The following GIPC2 variants were observed in gnomAD, a reference collection of about 807,000 sequenced individuals.
The protein encoded by GIPC2 is PDZ domain-containing protein GIPC2.
In GIPC2, 30 loss-of-function variants were observed where a neutral mutation model predicts 30.6. The observed-to-expected ratio is 0.98, with a 90% CI of 0.73 to 1.33. GIPC2 has a LOEUF of 1.33. Ranked by LOEUF, GIPC2 falls within the 40% of genes most tolerant of loss-of-function variation. GIPC2 has a pLI of 0.00. For missense variants in GIPC2, 414 were observed against 390.3 expected (o/e 1.06, Z -0.51); for synonymous variants, 167 against 150.0 (o/e 1.11, Z -0.83).
chr1:78,045,526 C>T (rs528533015), upstream of GIPC2: 469 of 983,780 alleles, frequency 4.8e-4, 7 homozygotes, highest in South Asian at 0.02. Flanking sequence ...GCCAAGGACC[C>T]GGCTGAGGGG....
chr1:78,129,715 G>T (rs535909182), intron 5 of GIPC2, among the ~76,000 whole-genome samples: 1 of 152,166 alleles, frequency 6.6e-6, no homozygotes, highest in African/African-American at 2.4e-5. Flanking sequence ...TCTAAAAGAT[G>T]CTGAGTCCTA....
Position 78,046,255 on chromosome 1 carries a change from C to T in GIPC2, c.161C>T (p.Thr54Met), listed in dbSNP as rs1398641644. The T allele has an allele frequency of 2.5e-6, 4 of 1,610,792 alleles. No homozygotes were observed. The East Asian group carries it at 9.0e-5, about 36-fold the overall frequency. Residue 54 changes from threonine (T) to methionine (M), a missense_variant, in exon 1 of 6, where the codon ACG becomes ATG. Physicochemically the swap from Thr to Met is moderately conservative, Grantham distance 81. Coordinates refer to ENST00000370759, the MANE Select transcript of GIPC2 (RefSeq NM_017655.6). The stretch of plus-strand genomic sequence containing the variant: ...GCGCAGCTGGCGCACGGTAGTGCCA[C>T]GGGCCGAGTGGAGGGCTTCTCCAGC... ...FHAQLAHGSA[T>M]GRVEGFSSIQ...
intron 4 of GIPC2, among the ~76,000 whole-genome samples, chr1:78,119,973 C>T (rs1440117912): frequency 1.3e-5 from 2 of 152,164 alleles, no homozygotes; most frequent in East Asian, 3.9e-4. Flanking sequence ...GACTTCTTAC[C>T]ACCCCTGCCC....
chr1:78,076,089 C>A (rs1247553280), intron 1 of GIPC2, among the ~76,000 whole-genome samples: 1 of 152,168 alleles, frequency 6.6e-6, no homozygotes, highest in Non-Finnish European at 1.5e-5. Context: ...GGATTCTTTC[C>A]CCAAACCCCC....
chr1:78,092,465 C>T (rs1361482870), intron 2 of GIPC2, among the ~76,000 whole-genome samples: 1 of 152,200 alleles, frequency 6.6e-6, no homozygotes, highest in Non-Finnish European at 1.5e-5. Flanking sequence ...ATAAGTAACT[C>T]AGTAAATAAA....
At chr1:78,086,847 T>G (rs944183885) in intron 2 of GIPC2, among the ~76,000 whole-genome samples, 4 of 152,060 alleles carry the variant, frequency 2.6e-5, no homozygotes, top group Non-Finnish European at 2.9e-5. Flanking sequence ...GTGAGATGGG[T>G]CTCTTGAAGA....
chr1:78,049,914 T>TTTG (rs1661164494), intron 1 of GIPC2, among the ~76,000 whole-genome samples: 1 of 119,348 alleles, frequency 8.4e-6, no homozygotes, highest in Non-Finnish European at 1.9e-5. Context: ...TTTTTTTTTT[T>TTTG]GAGATGGAGT....
intron 2 of GIPC2, chr1:78,091,662 T>A: frequency 1.3e-6 from 1 of 772,704 alleles, no homozygotes. Flanking sequence ...CATATGGATC[T>A]TATTCAGTCT....
At chr1:78,051,806 T>C (rs561853269) in intron 1 of GIPC2, among the ~76,000 whole-genome samples, 2 of 152,248 alleles carry the variant, frequency 1.3e-5, no homozygotes, top group Middle Eastern at 6.8e-3. Context: ...AGAATTGTGA[T>C]TTTTAAGGTG....
intron 2 of GIPC2, among the ~76,000 whole-genome samples, chr1:78,084,453 A>C (rs968690364): frequency 6.6e-6 from 1 of 150,618 alleles, no homozygotes; most frequent in East Asian, 2.0e-4. Context: ...GGAGGTTGCA[A>C]TGAGCCGAGA....
At chr1:78,045,814 G>A (rs1227931195), upstream of GIPC2, 3 of 1,207,596 alleles carry the variant, frequency 2.5e-6, no homozygotes, top group African/African-American at 3.2e-5. Context: ...CGTAAATAGA[G>A]CCATTTTTTA....
intron 3 of GIPC2, among the ~76,000 whole-genome samples, chr1:78,108,503 CTT>C (rs1014618900): frequency 6.6e-5 from 10 of 152,326 alleles, no homozygotes; most frequent in African/African-American, 2.4e-4. Flanking sequence ...GTGGGCAGCT[CTT>C]TTGATCCAAT....
At chr1:78,089,605 C>G (rs1661999164) in intron 2 of GIPC2, among the ~76,000 whole-genome samples, 1 of 152,100 alleles carries the variant, frequency 6.6e-6, no homozygotes, top group East Asian at 1.9e-4. Context: ...CTAGGCCTCC[C>G]AAAATGCTGG....
At chr1:78,106,756 C>T (rs1662361125) in intron 3 of GIPC2, among the ~76,000 whole-genome samples, 2 of 152,158 alleles carry the variant, frequency 1.3e-5, no homozygotes, top group African/African-American at 4.8e-5. Context: ...TCTCGGCTCT[C>T]TGCAACCTCT....
At chr1:78,060,961 G>A (rs1027049893) in intron 1 of GIPC2, among the ~76,000 whole-genome samples, 14 of 152,000 alleles carry the variant, frequency 9.2e-5, no homozygotes, top group African/African-American at 3.4e-4. Flanking sequence ...TTGGTAGTGG[G>A]AGAAGAACAG....
intron 1 of GIPC2, among the ~76,000 whole-genome samples, chr1:78,071,041 C>T (rs968608327): frequency 7.9e-5 from 12 of 152,074 alleles, no homozygotes; most frequent in African/African-American, 4.8e-5. Flanking sequence ...TCTGTCTTGT[C>T]GCCAATTTTA....
intron 3 of GIPC2, among the ~76,000 whole-genome samples, chr1:78,101,723 G>T (rs1662253312): frequency 1.3e-5 from 2 of 152,174 alleles, no homozygotes; most frequent in African/African-American, 4.8e-5. Flanking sequence ...TCCTTATCAA[G>T]TATCGGCTGG....
chr1:78,121,265 A>C (rs1662677157), intron 4 of GIPC2, among the ~76,000 whole-genome samples: 1 of 152,118 alleles, frequency 6.6e-6, no homozygotes. Flanking sequence ...TGGGGGTCAA[A>C]GCCCTCCCGT....
intron 4 of GIPC2, among the ~76,000 whole-genome samples, chr1:78,124,413 A>G (rs2100437495): frequency 6.6e-6 from 1 of 152,316 alleles, no homozygotes; most frequent in Non-Finnish European, 1.5e-5. Context: ...TGTGTAATTG[A>G]TAAGCAATAC....
Sources: gnomAD v4.1 joint callset for allele counts (sites outside exome capture counted in the v4.1 genomes callset) on GRCh38, gnomAD v4.1.1 for gene constraint, MANE v1.5 for transcripts, NCBI Gene and HGNC (gene_info 2026-07-23, HGNC 2026-07-21) for gene names.